The following LNX1 variants were observed in gnomAD, a reference collection of about 807,000 sequenced individuals.
LNX1 encodes ligand of numb-protein X 1.
A neutral mutation model predicts 68.4 loss-of-function variants in LNX1; 54 were observed. That is an observed-to-expected ratio of 0.79 (90% CI 0.63 to 0.99). The LOEUF is 0.99. Among genes scored for constraint, LNX1 ranks in the 50% least tolerant of loss-of-function variants. The pLI is 0.00. For synonymous variants in LNX1, 336 were observed against 350.0 expected (o/e 0.96, Z 0.45); for missense variants, 906 against 926.4 (o/e 0.98, Z 0.29).
chr4:53,546,638 T>C (rs562405266), intron 2 of LNX1, among the ~76,000 whole-genome samples: 2 of 152,308 alleles, frequency 1.3e-5, no homozygotes, highest in Admixed American at 1.3e-4. Flanking sequence ...GGGATTAGAC[T>C]AAATCATCTC....
chr4:53,630,963 C>A (rs1247849345), intron 1 of LNX1, among the ~76,000 whole-genome samples: 1 of 152,222 alleles, frequency 6.6e-6, no homozygotes, highest in Non-Finnish European at 1.5e-5. Context: ...CAGGGCTTAC[C>A]TGGTTGCAGA....
Position 53,460,962 on chromosome 4 carries a change from T to C in LNX1, c.2132A>G (p.Glu711Gly), listed in dbSNP as rs1444896832. 6.2e-7 allele frequency: 1 copy of C among 1,611,050 alleles called. No homozygotes were observed. Among genetic ancestry groups the C allele is most frequent in the Admixed American group, 1.7e-5 (1 of 59,522 alleles). ...AGTTAGAGTAATTCTTCCTTTAAGT[T>C]CTTTCAGCAGTCTTGCCAAGCAAGC... ...IHACLARLLK[E>G]LKGRITLTIV... The change falls in exon 11 of 11, where the codon GAA becomes GGA. Residue 711 changes from glutamate to glycine, a missense_variant. Transcript: ENST00000263925.
At chr4:53,497,903 G>T (rs1021394476) in intron 5 of LNX1, among the ~76,000 whole-genome samples, 8 of 152,208 alleles carry the variant, frequency 5.3e-5, no homozygotes, top group African/African-American at 1.9e-4. Context: ...AGAAGGGATG[G>T]GATAGAACTG....
chr4:53,610,351 A>C (rs1182757175), intron 2 of LNX1, among the ~76,000 whole-genome samples: 1 of 152,198 alleles, frequency 6.6e-6, no homozygotes. Context: ...TGACCATCTT[A>C]AAAGCCATGA....
intron 4 of LNX1, 116 bp from the exon 5 acceptor site, chr4:53,498,959 G>A (rs1436255073): frequency 1.3e-6 from 1 of 759,400 alleles, no homozygotes; most frequent in Non-Finnish European, 2.2e-6. Context: ...CCTCATACAT[G>A]TTTTCCATTT....
intron 4 of LNX1, among the ~76,000 whole-genome samples, chr4:53,506,624 G>A (rs1458437432): frequency 2.0e-5 from 3 of 152,008 alleles, no homozygotes; most frequent in Admixed American, 1.3e-4. Flanking sequence ...AGAGGCCGAG[G>A]TGGGTGGATC....
chr4:53,615,988 G>A (rs557715911), intron 2 of LNX1, among the ~76,000 whole-genome samples: 1 of 137,512 alleles, frequency 7.3e-6, no homozygotes, highest in East Asian at 2.1e-4. Context: ...TCAAATAGCA[G>A]GTCTTACTAA....
chr4:53,567,959 C>G (rs1730823666), intron 2 of LNX1, among the ~76,000 whole-genome samples: 1 of 152,038 alleles, frequency 6.6e-6, no homozygotes, highest in Admixed American at 6.5e-5. Context: ...GAAGTTGAAT[C>G]TCTGAATAGA....
intron 2 of LNX1, among the ~76,000 whole-genome samples, chr4:53,566,739 G>A (rs1366244583): frequency 2.0e-5 from 3 of 151,618 alleles, no homozygotes; most frequent in Non-Finnish European, 4.4e-5. Context: ...TCAGTGTGCT[G>A]TATTCAGGAA....
chr4:53,504,355 T>C (rs1040255991), intron 4 of LNX1, among the ~76,000 whole-genome samples: 1 of 152,256 alleles, frequency 6.6e-6, no homozygotes, highest in Admixed American at 6.5e-5. Flanking sequence ...TCTGCTAGCT[T>C]CCAACTTTTC....
intron 7 of LNX1, among the ~76,000 whole-genome samples, chr4:53,479,082 T>C (rs1473439003): frequency 6.6e-6 from 1 of 152,208 alleles, no homozygotes; most frequent in Non-Finnish European, 1.5e-5. Flanking sequence ...AATATTTTCA[T>C]AGAGAAAAAG....
At chr4:53,515,783 C>T (rs559205248) in intron 2 of LNX1, among the ~76,000 whole-genome samples, 1 of 152,172 alleles carries the variant, frequency 6.6e-6, no homozygotes, top group Non-Finnish European at 1.5e-5. Context: ...GGAAAAAGCA[C>T]ATGCTTTCAC....
intron 5 of LNX1, chr4:53,496,648 A>C: frequency 2.5e-6 from 1 of 405,734 alleles, no homozygotes. Context: ...AAGCCCACAT[A>C]TTTATTCCCA....
chr4:53,508,282 TCA>T, intron 2 of LNX1, 55 bp from the exon 3 acceptor site: 2 of 1,591,164 alleles, frequency 1.3e-6, no homozygotes, highest in Middle Eastern at 1.8e-4. Context: ...CTGCCATTCC[TCA>T]GTCAGCCCTC....
Position 53,498,778 on chromosome 4 carries a change from C to G in LNX1, c.841G>C (p.Asp281His), listed in dbSNP as rs1725260358. The part of the protein sequence containing the change: ...EITSIKINRV[D>H]PSESLSIRLV... ...CTAATAGAGAGGCTTTCACTGGGAT[C>G]TACTCGATTGATCTTGATGCTGGTA... Residue 281 changes from aspartate (D) to histidine (H), a missense_variant, in exon 5 of 11, where the codon GAT (aspartate) becomes CAT (histidine). By Grantham distance (81) the Asp-to-His change is moderately conservative. Transcript: ENST00000263925. 1 of 1,614,088 alleles carries G rather than the reference C, an allele frequency of 6.2e-7. No homozygotes were observed. The highest frequency in any genetic ancestry group is 1.7e-5 in the Admixed American group (1 of 60,020).
In LNX1 at chr4:53,476,836, G is replaced by A. The variant is rs1723594409; in HGVS notation, c.1809C>T (p.Ser603=). 1 of 1,614,182 alleles carries A rather than the reference G, an allele frequency of 6.2e-7. No individual in the cohort carries two copies. Among genetic ancestry groups the A allele is most frequent in the South Asian group, 1.1e-5 (1 of 91,088 alleles). Residue 603 remains serine, a synonymous_variant, in exon 9 of 11, where the codon AGC becomes AGT. Transcript: ENST00000263925. ...KEYEPQEDCS[S]PAALDSNHNM... is the part of the protein sequence containing the mutation. Reference sequence around the variant, plus strand: ...TGTGGTTGGAGTCCAGGGCTGCTGGGCTGCTGCAGTCTTCCTGGGGCTCAT... The same window carrying A: ...TGTGGTTGGAGTCCAGGGCTGCTGGACTGCTGCAGTCTTCCTGGGGCTCAT...
intron 2 of LNX1, among the ~76,000 whole-genome samples, chr4:53,565,078 C>A: frequency 6.6e-6 from 1 of 151,802 alleles, no homozygotes; most frequent in East Asian, 1.9e-4. Flanking sequence ...GGGAGGGGCG[C>A]CTACCATTGC....
intron 2 of LNX1, among the ~76,000 whole-genome samples, chr4:53,612,308 A>G (rs752588156): frequency 3.4e-4 from 51 of 152,224 alleles, no homozygotes; most frequent in Non-Finnish European, 5.7e-4. Flanking sequence ...TTGCAGGAGC[A>G]GCATGGCACT....
chr4:53,515,225 C>G (rs868729650), intron 2 of LNX1, among the ~76,000 whole-genome samples: 1 of 152,144 alleles, frequency 6.6e-6, no homozygotes, highest in Non-Finnish European at 1.5e-5. Context: ...CACTTAAGGC[C>G]GCCAGTCAAG....
Sources: allele counts gnomAD v4.1 joint callset (sites outside exome capture counted in the v4.1 genomes callset), GRCh38; gene constraint gnomAD v4.1.1; transcripts MANE v1.5; gene names NCBI Gene and HGNC (gene_info 2026-07-23, HGNC 2026-07-21).